Variants in CDC6 observed in about 807,000 individuals in gnomAD.
The protein encoded by CDC6 is DNA replication factor CDC6.
Under a neutral mutation model 60.2 loss-of-function variants are expected in CDC6, and 46 were observed. The observed-to-expected ratio is 0.76, with a 90% CI of 0.60 to 0.98. The LOEUF (loss-of-function observed/expected upper bound fraction) is 0.98. CDC6 is among the 50% of genes least tolerant of loss of function. The pLI is 0.00. For missense variants in CDC6, 596 were observed against 652.9 expected (o/e 0.91, Z 0.95); for synonymous variants, 210 against 233.2 (o/e 0.90, Z 0.90).
intron 8 of CDC6, among the ~76,000 whole-genome samples, chr17:40,295,862 G>C (rs2032851373): frequency 1.3e-5 from 2 of 151,996 alleles, no homozygotes; most frequent in South Asian, 4.1e-4. Context: ...CCCTTCAGTT[G>C]GTGGTCCCCC....
In CDC6 at chr17:40,304,510, A is replaced by C. The variant is rs915585965; in HGVS notation, c.*2509A>C. The C allele has an allele frequency of 1.3e-5, 2 of 152,236 alleles. No individual in the cohort carries two copies. Among genetic ancestry groups the C allele is most frequent in the Non-Finnish European group, 2.9e-5 (2 of 68,068 alleles). The allele number at this position is 152,236 out of a possible 1,614,324, so 9.4% of individuals were successfully genotyped here. On this transcript the variant is annotated 3_prime_UTR_variant, in exon 12 of 12. Transcript: ENST00000209728. ...AGTAGTGGCAAAGATGCTGACCTAC[A>C]TTCTTCCTTTTGAAGGTGATGGAGT...
At chr17:40,291,721 T>C in intron 4 of CDC6, 53 bp downstream of exon 4, 1 of 1,522,888 alleles carries the variant, frequency 6.6e-7, no homozygotes. Flanking sequence ...ACTTGGGTGT[T>C]TTTGTTTGTT....
intron 2 of CDC6, among the ~76,000 whole-genome samples, chr17:40,290,749 G>A (rs1478124381): frequency 6.6e-6 from 1 of 152,158 alleles, no homozygotes; most frequent in African/African-American, 2.4e-5. Flanking sequence ...TCTTGGGTAG[G>A]ATGGTGCGGG....
At chr17:40,299,209 G>A (rs889963953) in intron 9 of CDC6, among the ~76,000 whole-genome samples, 3 of 139,630 alleles carry the variant, frequency 2.1e-5, no homozygotes, top group Admixed American at 7.5e-5. Flanking sequence ...GTGCAGTGGC[G>A]TGATCTTGGC....
At chr17:40,288,719 G>A (rs2032702165) in intron 1 of CDC6, among the ~76,000 whole-genome samples, 1 of 152,106 alleles carries the variant, frequency 6.6e-6, no homozygotes, top group Non-Finnish European at 1.5e-5. Context: ...CGAGTAGCTG[G>A]GACTACAGGC....
intron 4 of CDC6, among the ~76,000 whole-genome samples, chr17:40,293,205 T>G (rs2032795065): frequency 1.3e-5 from 2 of 151,356 alleles, no homozygotes; most frequent in Admixed American, 6.6e-5. Context: ...TGGCATTGCA[T>G]TTCAGCCTGG....
rs967458304 is a variant in CDC6 at position 40,301,126 on chromosome 17, A to G, written c.1452+96A>G. On this transcript the variant is annotated intron_variant, in intron 10 of 11. Transcript: ENST00000209728. ...AAAGGCCTATGATACTTCAGCTGATAATAAATTTAAAATGGATTTTAACAG... is the reference window on the plus strand; with the variant it reads ...AAAGGCCTATGATACTTCAGCTGATGATAAATTTAAAATGGATTTTAACAG... The G allele has an allele frequency of 3.5e-6, 3 of 866,096 alleles. No homozygotes were observed. The African/African-American group carries it at 5.0e-5, about 14-fold the overall frequency. 53.7% of individuals were successfully genotyped at this position (866,096 alleles called of 1,614,324 possible). A position where few individuals can be genotyped will look rare whatever the true frequency, so the allele number is the denominator to read the frequency against.
At position 40,301,483 on chromosome 17, in the gene CDC6, A is replaced by G. The variant is rs747843523; in HGVS notation, c.1468A>G (p.Ser490Gly). The change falls in exon 11 of 12, where the codon AGT (serine) becomes GGT (glycine). Residue 490 changes from serine to glycine, a missense_variant. Ser to Gly is a moderately conservative substitution (Grantham distance 56). Coordinates refer to ENST00000209728, the MANE Select transcript of CDC6 (RefSeq NM_001254.4). ...TTCCTACCAGTTATATGAAGCCTAC[A>G]GTAAAGTCTGTCGCAAACAGCAGGT... The part of the protein sequence containing the change: ...VTLGKLYEAY[S>G]KVCRKQQVAA... 2.5e-6 allele frequency: 4 copies of G among 1,614,140 alleles called. No homozygotes were observed. The South Asian group carries it at 3.3e-5, about 13-fold the overall frequency.
intron 1 of CDC6, 107 bp from the exon 2 acceptor site, chr17:40,289,301 T>G (rs1005478557): frequency 4.1e-5 from 37 of 912,720 alleles, no homozygotes; most frequent in Non-Finnish European, 6.3e-5. Flanking sequence ...TGTGATAACA[T>G]AATTAGGAAA....
intron 8 of CDC6, among the ~76,000 whole-genome samples, chr17:40,296,444 C>T (rs1377335675): frequency 6.6e-6 from 1 of 152,150 alleles, no homozygotes; most frequent in Non-Finnish European, 1.5e-5. Flanking sequence ...AATCTGATGT[C>T]CATGAATTAT....
chr17:40,294,416 TAG>T lies in CDC6; in HGVS notation c.1000_1001del (p.Glu334LysfsTer3), dbSNP rs1449334229. ...TDRILPRLQA[R>X]EKCKPQLLNF... The stretch of plus-strand genomic sequence containing the variant: ...ATAGAATTCTACCTAGGCTTCAAGC[TAG>T]AGAAAAATGTAAGCCACAGCTGTTG... On this transcript the variant is annotated frameshift_variant, in exon 7 of 12. Coordinates refer to ENST00000209728, the MANE Select transcript of CDC6 (RefSeq NM_001254.4). LOFTEE classifies it high-confidence loss of function. 1 of 1,610,900 alleles carries T rather than the reference TAG, an allele frequency of 6.2e-7. No individual in the cohort carries two copies. The highest frequency in any genetic ancestry group is 2.2e-5 in the East Asian group (1 of 44,856).
intron 1 of CDC6, among the ~76,000 whole-genome samples, chr17:40,288,372 G>A (rs902327275): frequency 1.3e-5 from 2 of 152,104 alleles, no homozygotes; most frequent in African/African-American, 2.4e-5. Context: ...GACACCCCGC[G>A]TGCCTGGAGG....
At chr17:40,296,597 G>GA in intron 8 of CDC6, 106 bp from the exon 9 acceptor site, 1 of 723,876 alleles carries the variant, frequency 1.4e-6, no homozygotes, top group Non-Finnish European at 2.6e-6. Flanking sequence ...ATTGTTCATA[G>GA]TTGCAGTCTT....
intron 9 of CDC6, 81 bp from the exon 10 acceptor site, chr17:40,300,736 TTTAGCTCAAAC>T (rs1392922871): frequency 5.8e-6 from 6 of 1,025,854 alleles, no homozygotes; most frequent in African/African-American, 1.6e-5. Flanking sequence ...TTGAATTTCC[TTTAGCTCAAAC>T]TTAGTATCAT....
At chr17:40,297,262 C>A (rs1006266831) in intron 9 of CDC6, among the ~76,000 whole-genome samples, 2 of 152,180 alleles carry the variant, frequency 1.3e-5, no homozygotes, top group South Asian at 2.1e-4. Context: ...TATAGTGAGA[C>A]CTTGTTTCTA....
chr17:40,300,263 C>CT (rs1287956584), intron 9 of CDC6, among the ~76,000 whole-genome samples: 4 of 152,198 alleles, frequency 2.6e-5, no homozygotes, highest in East Asian at 3.9e-4. Context: ...TGCACCTGGC[C>CT]TTTTTTTTCC....
rs2032752772 is a variant in CDC6, at chr17:40,291,102, C to A, written c.223C>A (p.Pro75Thr). Residue 75 changes from proline (P) to threonine (T), a missense_variant, in exon 3 of 12, where the codon CCA becomes ACA. Physicochemically the swap from Pro to Thr is conservative, Grantham distance 38. Transcript: ENST00000209728. ...CACTCCCCATTTACCTCCTTGTTCT[C>A]CACCAAAGCAAGGCAAGAAAGAGAA... is the stretch of plus-strand genomic sequence containing the variant. Reference protein sequence around the residue: ...CNTPHLPPCSPPKQGKKENGP... With the variant: ...CNTPHLPPCSTPKQGKKENGP... 6.2e-7 allele frequency: 1 copy of A among 1,613,974 alleles called. No individual in the cohort carries two copies. The highest frequency in any genetic ancestry group is 1.1e-5 in the South Asian group (1 of 91,082).
chr17:40,291,895 G>A (rs1488140263), intron 4 of CDC6, among the ~76,000 whole-genome samples: 7 of 152,084 alleles, frequency 4.6e-5, no homozygotes, highest in African/African-American at 1.4e-4. Context: ...ACAGGCGCCC[G>A]CCACCATGCC....
At chr17:40,297,959 G>A (rs1334730891) in intron 9 of CDC6, among the ~76,000 whole-genome samples, 5 of 152,148 alleles carry the variant, frequency 3.3e-5, no homozygotes, top group Non-Finnish European at 7.4e-5. Flanking sequence ...CATGAACTAC[G>A]TATCTTACAG....
Sources: allele counts gnomAD v4.1 joint callset (sites outside exome capture counted in the v4.1 genomes callset), GRCh38; gene constraint gnomAD v4.1.1; transcripts MANE v1.5; gene names NCBI Gene and HGNC (gene_info 2026-07-23, HGNC 2026-07-21).